Variants in AKAP5 observed in about 807,000 individuals in gnomAD.
The protein encoded by AKAP5 is A-kinase anchor protein 5.
A neutral mutation model predicts 13.8 loss-of-function variants in AKAP5; 5 were observed. The observed-to-expected ratio is 0.36, with a 90% CI of 0.19 to 0.76. AKAP5 has a LOEUF of 0.76. AKAP5 is among the 30% of genes least tolerant of loss of function. The pLI is 0.51. For missense variants in AKAP5, 406 were observed against 484.4 expected (o/e 0.84, Z 1.52); for synonymous variants, 148 against 167.2 (o/e 0.89, Z 0.89).
Position 64,471,158 on chromosome 14 carries a change from T to C in AKAP5, c.*1480T>C, listed in dbSNP as rs1240151951. On this transcript the variant is annotated 3_prime_UTR_variant, in exon 2 of 2. Coordinates refer to ENST00000394718, the MANE Select transcript of AKAP5 (RefSeq NM_004857.3). ...TTTTCATCACTATTTTCTTTTCTTT[T>C]TTTTTTTTTTTTGAGATGGAGTCTC... The C allele has an allele frequency of 6.4e-6, 1 of 156,250 alleles. No homozygotes were observed. The highest frequency in any genetic ancestry group is 2.7e-5 in the African/African-American group (1 of 37,130). The allele number at this position is 156,250 out of a possible 1,614,324, so 9.7% of individuals were successfully genotyped here. A position where few individuals can be genotyped will look rare whatever the true frequency, so the allele number is the denominator to read the frequency against.
chr14:64,468,465 G>A lies in AKAP5; in HGVS notation c.71G>A (p.Gly24Glu), dbSNP rs765436650. 1.9e-6 allele frequency: 3 copies of A among 1,613,920 alleles called. No homozygotes were observed. The highest frequency in any genetic ancestry group is 2.5e-6 in the Non-Finnish European group (3 of 1,180,032). Residue 24 changes from glycine to glutamate, a missense_variant, in exon 2 of 2, where the codon GGG (glycine) becomes GAG (glutamate). Physicochemically the swap from Gly to Glu is moderately conservative, Grantham distance 98 (BLOSUM62 -2). Coordinates refer to ENST00000394718, the MANE Select transcript of AKAP5 (RefSeq NM_004857.3). ...AAGAGATCAGCAGAAGGTAGTCCTG[G>A]GGCTGAAAGGCAGAAGGAAAAGGCA... ...DEKRSAEGSP[G>E]AERQKEKASM...
chr14:64,466,751 G>A (rs2078616884), intron 1 of AKAP5, among the ~76,000 whole-genome samples: 1 of 152,176 alleles, frequency 6.6e-6, no homozygotes, highest in South Asian at 2.1e-4. Flanking sequence ...TGAAACTTCA[G>A]TGAAGGATTT....
In AKAP5 at chr14:64,474,418, TAA is replaced by T. The variant is rs1378823309; in HGVS notation, c.*4742_*4743del. The stretch of plus-strand genomic sequence containing the variant: ...ATTACTATGGATCAGATGATAATAT[TAA>T]ATAGTACTCTGTAGAAAAAAGGTTT... On this transcript the variant is annotated 3_prime_UTR_variant, in exon 2 of 2. Transcript: ENST00000394718. 6.0e-6 allele frequency: 1 copy of T among 167,066 alleles called. No individual in the cohort carries two copies. 10.3% of individuals were successfully genotyped at this position (167,066 alleles called of 1,614,324 possible). A position where few individuals can be genotyped will look rare whatever the true frequency, so the allele number is the denominator to read the frequency against.
At chr14:64,466,396 G>C (rs1363531482) in intron 1 of AKAP5, among the ~76,000 whole-genome samples, 2 of 152,096 alleles carry the variant, frequency 1.3e-5, no homozygotes, top group Non-Finnish European at 2.9e-5. Flanking sequence ...GCGCAATCCA[G>C]GTTAGTTTCC....
chr14:64,469,146 A>T lies in AKAP5; in HGVS notation c.752A>T (p.Glu251Val). Residue 251 changes from glutamate (E) to valine (V), a missense_variant, in exon 2 of 2, where the codon GAA becomes GTA. Glu to Val is a moderately radical substitution (Grantham distance 121). Coordinates refer to ENST00000394718, the MANE Select transcript of AKAP5 (RefSeq NM_004857.3). ...DVQPQQASPL[E>V]TSETDHQQPV... ...CAACCCCAGCAAGCAAGCCCACTTG[A>T]AACTTCAGAAACAGACCATCAGCAG... 1 of 1,614,176 alleles carries T rather than the reference A, an allele frequency of 6.2e-7. No homozygotes were observed. Among genetic ancestry groups the T allele is most frequent in the South Asian group, 1.1e-5 (1 of 91,088 alleles).
At position 64,468,598 on chromosome 14, in the gene AKAP5, T is replaced by G; in HGVS notation, c.204T>G (p.Ala68=). The part of the protein sequence containing the change: ...VARKCPQEAG[A]SDQPEPTRGA... ...GGAAGTGTCCACAAGAAGCAGGAGC[T>G]TCTGATCAGCCAGAGCCCACACGGG... The change falls in exon 2 of 2, where the codon GCT becomes GCG. Residue 68 remains alanine (A), a synonymous_variant. Coordinates refer to ENST00000394718, the MANE Select transcript of AKAP5 (RefSeq NM_004857.3). 1 of 1,613,898 alleles carries G rather than the reference T, an allele frequency of 6.2e-7. No individual in the cohort carries two copies. Among genetic ancestry groups the G allele is most frequent in the East Asian group, 2.2e-5 (1 of 44,890 alleles).
intron 1 of AKAP5, chr14:64,467,224 C>G (rs969025569): frequency 3.9e-5 from 6 of 152,244 alleles, no homozygotes; most frequent in African/African-American, 1.4e-4. Flanking sequence ...TTGTGTTAAT[C>G]TGAGCTCTGT....
rs545356203 is a variant in AKAP5 at position 64,469,893 on chromosome 14, T to C, written c.*215T>C. 1.6e-4 allele frequency: 72 copies of C among 441,254 alleles called. No individual in the cohort carries two copies. Among genetic ancestry groups the C allele is most frequent in the Non-Finnish European group, 2.7e-4 (66 of 243,962 alleles). The allele number at this position is 441,254 out of a possible 1,614,324, so 27.3% of individuals were successfully genotyped here. On this transcript the variant is annotated 3_prime_UTR_variant, in exon 2 of 2. Coordinates refer to ENST00000394718, the MANE Select transcript of AKAP5 (RefSeq NM_004857.3). Reference sequence around the variant, plus strand: ...CTGGATTGGAGGAAGTCAGCACAGATTGCAGTGTAAAATGACATAACATAC... The same window carrying C: ...CTGGATTGGAGGAAGTCAGCACAGACTGCAGTGTAAAATGACATAACATAC...
At chr14:64,466,454 A>T (rs1181459705) in intron 1 of AKAP5, among the ~76,000 whole-genome samples, 1 of 152,232 alleles carries the variant, frequency 6.6e-6, no homozygotes, top group Non-Finnish European at 1.5e-5. Context: ...ATTATGTGGT[A>T]ATACAGCCTC....
Position 64,472,129 on chromosome 14 carries a change from CAAAA to C in AKAP5, c.*2454_*2457del, listed in dbSNP as rs1182157629. ...TTGTACAACTTTTAAACATTAAAAA[CAAAA>C]AAGACGAGTCATCTTCTCTGAAAAC... On this transcript the variant is annotated 3_prime_UTR_variant, in exon 2 of 2. Coordinates refer to ENST00000394718, the MANE Select transcript of AKAP5 (RefSeq NM_004857.3). 1.8e-5 allele frequency: 3 copies of C among 166,874 alleles called. No individual in the cohort carries two copies. 10.3% of individuals were successfully genotyped at this position (166,874 alleles called of 1,614,324 possible).
chr14:64,466,937 A>T (rs1175565996), intron 1 of AKAP5, among the ~76,000 whole-genome samples: 1 of 152,212 alleles, frequency 6.6e-6, no homozygotes, highest in Non-Finnish European at 1.5e-5. Context: ...TGCCAATTGC[A>T]TAGTTTGCCA....
In AKAP5 at chr14:64,469,231, A is replaced by G; in HGVS notation, c.837A>G (p.Glu279=). Residue 279 remains glutamate, a synonymous_variant, in exon 2 of 2, where the codon GAA becomes GAG. Transcript: ENST00000394718. ...TTCCAGATCAACAAATTGTGGAAGA[A>G]GCCAGTAACAGTACCCTAGAAAGTG... is the stretch of plus-strand genomic sequence containing the variant. ...PAIPDQQIVE[E]ASNSTLESAP... 1 of 1,614,074 alleles carries G rather than the reference A, an allele frequency of 6.2e-7. No homozygotes were observed. Among genetic ancestry groups the G allele is most frequent in the Non-Finnish European group, 8.5e-7 (1 of 1,180,038 alleles).
In AKAP5 at chr14:64,473,229, CAAA is replaced by C. The variant is rs1243012741; in HGVS notation, c.*3553_*3555del. ...ACATTTAAGTAAAGGTAGCAGAAAA[CAAA>C]AGAACTTTCAAACAGAAATTATGTT... On this transcript the variant is annotated 3_prime_UTR_variant, in exon 2 of 2. Transcript: ENST00000394718. 6.0e-6 allele frequency: 1 copy of C among 166,898 alleles called. No homozygotes were observed. Among genetic ancestry groups the C allele is most frequent in the Admixed American group, 6.6e-5 (1 of 15,266 alleles). The allele number at this position is 166,898 out of a possible 1,614,324, so 10.3% of individuals were successfully genotyped here.
At chr14:64,467,996 T>G (rs747775147) in intron 1 of AKAP5, 136 bp from the exon 2 acceptor site, 20 of 155,420 alleles carry the variant, frequency 1.3e-4, no homozygotes, top group Non-Finnish European at 2.3e-4. Context: ...ACCCCAATGT[T>G]TATTCTCCAG....
rs2141005509 is a variant in AKAP5, at chr14:64,470,946, G to A, written c.*1268G>A. ...GATTCAAAGCCAGCCTGGTAGTAAT[G>A]GTCCTGGAAAATCCTAATAATCTAG... On this transcript the variant is annotated 3_prime_UTR_variant, in exon 2 of 2. Transcript: ENST00000394718. 1 of 167,076 alleles carries A rather than the reference G, an allele frequency of 6.0e-6. No homozygotes were observed. Among genetic ancestry groups the A allele is most frequent in the Non-Finnish European group, 1.5e-5 (1 of 68,096 alleles). The allele number at this position is 167,076 out of a possible 1,614,324, so 10.3% of individuals were successfully genotyped here. A position where few individuals can be genotyped will look rare whatever the true frequency, so the allele number is the denominator to read the frequency against.
rs946498379 is a variant in AKAP5 at position 64,470,188 on chromosome 14, C to T, written c.*510C>T. ...TTGTAATTGTTACATTCCTAAGCAG[C>T]AGGCTTAACTCAAAAAATACATTGC... On this transcript the variant is annotated 3_prime_UTR_variant, in exon 2 of 2. Coordinates refer to ENST00000394718, the MANE Select transcript of AKAP5 (RefSeq NM_004857.3). The T allele has an allele frequency of 4.8e-5, 8 of 167,206 alleles. No individual in the cohort carries two copies. The highest frequency in any genetic ancestry group is 2.4e-5 in the African/African-American group (1 of 41,468). 10.4% of individuals were successfully genotyped at this position (167,206 alleles called of 1,614,324 possible).
intron 1 of AKAP5, among the ~76,000 whole-genome samples, chr14:64,466,932 A>G (rs918671420): frequency 6.6e-6 from 1 of 152,160 alleles, no homozygotes; most frequent in Non-Finnish European, 1.5e-5. Context: ...AAGTTTGCCA[A>G]TTGCATAGTT....
rs1303959747 is a variant in AKAP5 at position 64,473,154 on chromosome 14, C to A, written c.*3476C>A. 1.2e-5 allele frequency: 2 copies of A among 166,996 alleles called. No individual in the cohort carries two copies. The highest frequency in any genetic ancestry group is 4.8e-5 in the African/African-American group (2 of 41,422). The allele number at this position is 166,996 out of a possible 1,614,324, so 10.3% of individuals were successfully genotyped here. The stretch of plus-strand genomic sequence containing the variant: ...CCTCTATTTTATGTAGCACTATTCA[C>A]TTAACATTTTTTCAAAGCACTTTAT... On this transcript the variant is annotated 3_prime_UTR_variant, in exon 2 of 2. Transcript: ENST00000394718.
At chr14:64,467,982 G>A (rs1370473698) in intron 1 of AKAP5, 150 bp from the exon 2 acceptor site, 1 of 154,834 alleles carries the variant, frequency 6.5e-6, no homozygotes, top group Non-Finnish European at 1.4e-5. Context: ...TAGGGCCAAA[G>A]TAAACCCCAA....
Sources: allele counts gnomAD v4.1 joint callset (sites outside exome capture counted in the v4.1 genomes callset), GRCh38; gene constraint gnomAD v4.1.1; transcripts MANE v1.5; gene names NCBI Gene and HGNC (gene_info 2026-07-23, HGNC 2026-07-21).